SLMAP: variants seen among roughly 807,000 people sequenced by gnomAD.
SLMAP encodes sarcolemma associated protein.
SLMAP carries 44 observed loss-of-function variants against 128.8 expected under a neutral mutation model. That is an observed-to-expected ratio of 0.34 (90% CI 0.27 to 0.44). The LOEUF (loss-of-function observed/expected upper bound fraction) is 0.44. Ranked by LOEUF, SLMAP falls within the 20% of genes least tolerant of loss-of-function variation. SLMAP has a pLI of 1.00. For synonymous variants in SLMAP, 327 were observed against 348.8 expected, an observed-to-expected ratio of 0.94 and a Z score of 0.70; for missense variants, 787 against 985.3, an observed-to-expected ratio of 0.80 and a Z score of 2.69.
intron 2 of SLMAP, among the ~76,000 whole-genome samples, chr3:57,780,064 C>A (rs2082704170): frequency 6.6e-6 from 1 of 151,676 alleles, no homozygotes; most frequent in African/African-American, 2.4e-5. Flanking sequence ...CATAACCTCC[C>A]TAACTATATT....
intron 3 of SLMAP, among the ~76,000 whole-genome samples, chr3:57,838,640 C>T (rs1351300824): frequency 1.4e-5 from 2 of 140,468 alleles, no homozygotes; most frequent in Non-Finnish European, 3.1e-5. Flanking sequence ...ATAGGAGGCT[C>T]TGGGGACATC....
chr3:57,924,878 A>G (rs1203233390), intron 23 of SLMAP, among the ~76,000 whole-genome samples: 2 of 151,772 alleles, frequency 1.3e-5, no homozygotes, highest in East Asian at 3.9e-4. Context: ...TCAGGTATCG[A>G]GCAAAAATAG....
At chr3:57,781,023 T>C (rs771733272) in intron 2 of SLMAP, among the ~76,000 whole-genome samples, 6 of 151,628 alleles carry the variant, frequency 4.0e-5, no homozygotes, top group African/African-American at 1.5e-4. Flanking sequence ...TACATATATA[T>C]ACACACACAT....
intron 2 of SLMAP, among the ~76,000 whole-genome samples, chr3:57,760,392 A>G (rs993501420): frequency 6.6e-6 from 1 of 152,212 alleles, no homozygotes; most frequent in East Asian, 1.9e-4. Flanking sequence ...TGATTATTAT[A>G]CCACTTAATC....
chr3:57,833,305 T>C (rs1056826423), intron 3 of SLMAP, among the ~76,000 whole-genome samples: 11 of 152,238 alleles, frequency 7.2e-5, no homozygotes, highest in African/African-American at 2.7e-4. Context: ...TCCACTGTTT[T>C]TTCCCATCTA....
chr3:57,906,050 T>TA (rs1168626870), intron 17 of SLMAP, among the ~76,000 whole-genome samples: 27,762 of 105,748 alleles, frequency 0.26, 3,708 homozygotes, highest in East Asian at 0.42. Context: ...AAATACTCCT[T>TA]AAAAAAAAAA....
At chr3:57,779,527 AAAAAT>A (rs1331946658) in intron 2 of SLMAP, among the ~76,000 whole-genome samples, 1 of 149,882 alleles carries the variant, frequency 6.7e-6, no homozygotes, top group African/African-American at 2.4e-5. Context: ...AAAAAAAAAC[AAAAAT>A]AAAATAAAAA....
At chr3:57,835,294 A>G (rs2093585151) in intron 3 of SLMAP, among the ~76,000 whole-genome samples, 1 of 151,738 alleles carries the variant, frequency 6.6e-6, no homozygotes, top group Admixed American at 6.6e-5. Context: ...CTGGCCCCCA[A>G]ATTTTTTTTA....
rs2096824938 is a variant in SLMAP at position 57,916,887 on chromosome 3, G to A, written c.2139-19G>A. ...AGTTTCTACCTGTGAATAACTATCTGTCAATATTTATATTGCAGTTCTCAG... is the reference window on the plus strand; with the variant it reads ...AGTTTCTACCTGTGAATAACTATCTATCAATATTTATATTGCAGTTCTCAG... On this transcript the variant is annotated intron_variant, in intron 21 of 24. Transcript: ENST00000671191. 1 of 1,601,940 alleles carries A rather than the reference G, an allele frequency of 6.2e-7. No individual in the cohort carries two copies. The highest frequency in any genetic ancestry group is 1.1e-5 in the South Asian group (1 of 90,410).
chr3:57,910,216 T>C (rs575205337), intron 19 of SLMAP, among the ~76,000 whole-genome samples: 1 of 152,044 alleles, frequency 6.6e-6, no homozygotes, highest in South Asian at 2.1e-4. Context: ...TTTTGAGACA[T>C]AGTCTTGCTC....
intron 2 of SLMAP, among the ~76,000 whole-genome samples, chr3:57,794,866 A>AATGTCG: frequency 6.6e-6 from 1 of 152,220 alleles, no homozygotes; most frequent in African/African-American, 2.4e-5. Context: ...TTCGGCTGTT[A>AATGTCG]TGAATAATGT....
At chr3:57,785,848 T>C (rs2083976938) in intron 2 of SLMAP, among the ~76,000 whole-genome samples, 2 of 152,234 alleles carry the variant, frequency 1.3e-5, no homozygotes, top group Admixed American at 1.3e-4. Context: ...CTTTACCATA[T>C]GTTATTTTTG....
At chr3:57,781,143 C>A (rs969811910) in intron 2 of SLMAP, among the ~76,000 whole-genome samples, 3 of 151,810 alleles carry the variant, frequency 2.0e-5, no homozygotes, top group Admixed American at 6.6e-5. Context: ...TGCTTGAGCC[C>A]AGGAGTTTGA....
chr3:57,761,448 C>T (rs2078620419), intron 2 of SLMAP, among the ~76,000 whole-genome samples: 1 of 151,766 alleles, frequency 6.6e-6, no homozygotes, highest in Non-Finnish European at 1.5e-5. Context: ...GCATTCATCA[C>T]CATGCCTGGC....
intron 2 of SLMAP, among the ~76,000 whole-genome samples, chr3:57,771,160 T>TCCCCCCCCCCCCCCCCCCC (rs2080781465): frequency 9.3e-6 from 1 of 107,532 alleles, no homozygotes; most frequent in African/African-American, 3.5e-5. Flanking sequence ...TCCCCTCCCC[T>TCCCCCCCCCCCCCCCCCCC]CCCCTCCCCT....
rs1410202269 is a variant in SLMAP at position 57,775,843 on chromosome 3, C to T, written c.198+17994C>T. ...GCTCCCAAGTAACTGGGATTACAGGCGCCCACCACCACACCTGACTACTTT... is the reference window on the plus strand; with the variant it reads ...GCTCCCAAGTAACTGGGATTACAGGTGCCCACCACCACACCTGACTACTTT... On this transcript the variant is annotated intron_variant, in intron 2 of 24. Transcript: ENST00000671191. Among the ~76,000 whole-genome samples, 4 of 152,096 alleles carry T rather than the reference C, an allele frequency of 2.6e-5. No individual in the cohort carries two copies. In the East Asian group the frequency reaches 7.7e-4, roughly 29 times the overall value.
intron 6 of SLMAP, among the ~76,000 whole-genome samples, chr3:57,855,379 A>G (rs1560262380): frequency 2.0e-5 from 3 of 152,016 alleles, no homozygotes; most frequent in Non-Finnish European, 4.4e-5. Context: ...CTCTGTCTCA[A>G]AAAAGAAAAG....
chr3:57,789,321 G>A (rs2084931800), intron 2 of SLMAP, among the ~76,000 whole-genome samples: 1 of 152,144 alleles, frequency 6.6e-6, no homozygotes, highest in Admixed American at 6.5e-5. Flanking sequence ...AATACAGCAT[G>A]GGCAATTGGG....
Position 57,889,963 on chromosome 3 carries a change from G to A in SLMAP, c.1301-78G>A, listed in dbSNP as rs2153648770. On this transcript the variant is annotated intron_variant, in intron 14 of 24. Transcript: ENST00000671191. Reference sequence around the variant, plus strand: ...TGTTATCATCTTTAAATTTGGTCATGGAATGTGTTACACTGCCCAGCTCAG... The same window carrying A: ...TGTTATCATCTTTAAATTTGGTCATAGAATGTGTTACACTGCCCAGCTCAG... 3 of 966,562 alleles carry A rather than the reference G, an allele frequency of 3.1e-6. No homozygotes were observed. In the East Asian group the frequency reaches 7.2e-5, roughly 23 times the overall value. 59.9% of individuals were successfully genotyped at this position (966,562 alleles called of 1,614,324 possible).
Sources: gnomAD v4.1 joint callset for allele counts (sites outside exome capture counted in the v4.1 genomes callset) on GRCh38, gnomAD v4.1.1 for gene constraint, MANE v1.5 for transcripts, NCBI Gene and HGNC (gene_info 2026-07-23, HGNC 2026-07-21) for gene names.